The following BBS9 variants were observed in gnomAD, a reference collection of about 807,000 sequenced individuals.
BBS9 encodes the protein protein PTHB1.
Under a neutral mutation model 117.7 loss-of-function variants are expected in BBS9, and 89 were observed. The observed-to-expected ratio is 0.76, with a 90% CI of 0.64 to 0.90. BBS9 has a LOEUF of 0.90. Ranked by LOEUF, BBS9 falls within the 40% of genes least tolerant of loss-of-function variation. The pLI is 0.00. For synonymous variants in BBS9, 379 were observed against 370.9 expected (o/e 1.02, Z -0.25); for missense variants, 982 against 1,042.2 (o/e 0.94, Z 0.80).
intron 6 of BBS9, among the ~76,000 whole-genome samples, chr7:33,259,902 T>C (rs1030555449): frequency 9.9e-5 from 15 of 152,162 alleles, no homozygotes; most frequent in African/African-American, 2.9e-4. Flanking sequence ...TTTTTTTTTT[T>C]TCTCTCTAAA....
At chr7:33,219,159 C>T (rs1228513722) in intron 5 of BBS9, among the ~76,000 whole-genome samples, 4 of 152,212 alleles carry the variant, frequency 2.6e-5, no homozygotes, top group African/African-American at 7.2e-5. Flanking sequence ...CCCAGCAGTG[C>T]CAGACCACTG....
intron 19 of BBS9, among the ~76,000 whole-genome samples, chr7:33,431,312 A>G (rs2128877977): frequency 6.6e-6 from 1 of 152,106 alleles, no homozygotes; most frequent in East Asian, 1.9e-4. Context: ...ATTTTTGACT[A>G]GGGGAAGGCA....
intron 5 of BBS9, among the ~76,000 whole-genome samples, chr7:33,209,141 G>A (rs577573211): frequency 3.9e-5 from 6 of 151,918 alleles, no homozygotes; most frequent in East Asian, 1.9e-4. Flanking sequence ...CTTTATCTCC[G>A]TGAGTTTAAT....
chr7:33,538,113 A>T (rs1043193938), intron 21 of BBS9, among the ~76,000 whole-genome samples: 1 of 152,202 alleles, frequency 6.6e-6, no homozygotes, highest in East Asian at 1.9e-4. Flanking sequence ...TCAAGTGAAC[A>T]TTCTCTTAAT....
At chr7:33,184,850 C>T (rs1003550450) in intron 5 of BBS9, among the ~76,000 whole-genome samples, 44 of 152,312 alleles carry the variant, frequency 2.9e-4, no homozygotes, top group African/African-American at 9.1e-4. Flanking sequence ...AAAAGAATGG[C>T]TACTCCATTG....
At chr7:33,176,540 A>C (rs1467655545) in intron 4 of BBS9, among the ~76,000 whole-genome samples, 1 of 152,230 alleles carries the variant, frequency 6.6e-6, no homozygotes, top group Non-Finnish European at 1.5e-5. Context: ...ATATTCTTAC[A>C]ATCTCAGTGT....
intron 17 of BBS9, among the ~76,000 whole-genome samples, chr7:33,374,407 A>C (rs1823421881): frequency 6.6e-6 from 1 of 152,206 alleles, no homozygotes; most frequent in Non-Finnish European, 1.5e-5. Flanking sequence ...TGCCCACCTC[A>C]TGCCCCGAGA....
intron 1 of BBS9, among the ~76,000 whole-genome samples, chr7:33,133,749 C>G (rs1407886898): frequency 6.6e-6 from 1 of 152,124 alleles, no homozygotes; most frequent in African/African-American, 2.4e-5. Context: ...ATGAATAATG[C>G]TACTATAAAC....
At chr7:33,223,553 G>C (rs996202117) in intron 5 of BBS9, among the ~76,000 whole-genome samples, 2 of 152,114 alleles carry the variant, frequency 1.3e-5, no homozygotes, top group African/African-American at 4.8e-5. Context: ...TTTGGGGAGA[G>C]GGCCTTGAAA....
intron 19 of BBS9, among the ~76,000 whole-genome samples, chr7:33,454,385 T>A (rs971364298): frequency 2.0e-5 from 3 of 152,202 alleles, no homozygotes; most frequent in Admixed American, 6.5e-5. Context: ...AGTAGTGAGA[T>A]GTCTATGGCA....
chr7:33,219,813 C>G (rs532879902), intron 5 of BBS9, among the ~76,000 whole-genome samples: 2 of 152,262 alleles, frequency 1.3e-5, no homozygotes, highest in African/African-American at 4.8e-5. Context: ...CAGTGGCAAC[C>G]CGCTGGGGTC....
At chr7:33,219,940 G>A (rs1471409940) in intron 5 of BBS9, among the ~76,000 whole-genome samples, 1 of 152,200 alleles carries the variant, frequency 6.6e-6, no homozygotes, top group Non-Finnish European at 1.5e-5. Context: ...AAGTTCTGCA[G>A]CTTCACTCCT....
chr7:33,174,926 A>C (rs1402248471), intron 4 of BBS9, among the ~76,000 whole-genome samples: 4 of 152,362 alleles, frequency 2.6e-5, no homozygotes, highest in East Asian at 3.9e-4. Flanking sequence ...ACTACCATTT[A>C]GAATCCAGAA....
intron 19 of BBS9, among the ~76,000 whole-genome samples, chr7:33,397,542 C>T (rs1311216223): frequency 1.3e-5 from 2 of 152,054 alleles, no homozygotes; most frequent in Non-Finnish European, 2.9e-5. Flanking sequence ...GCACAGTTCA[C>T]AATAGCAAAA....
At chr7:33,158,133 A>G (rs1301087989) in intron 4 of BBS9, among the ~76,000 whole-genome samples, 1 of 152,106 alleles carries the variant, frequency 6.6e-6, no homozygotes, top group Non-Finnish European at 1.5e-5. Context: ...GTGGTTCTTT[A>G]CTTTTGACAG....
In BBS9 at chr7:33,318,979, A is replaced by G. The variant is rs376386334; in HGVS notation, c.1017-17462A>G. On this transcript the variant is annotated intron_variant, in intron 9 of 22. Transcript: ENST00000242067. ...GGAGTTTGAGACCAGCCTGGCCAAC[A>G]TGATGAAACCCCGTCTCTACTAAAA... 5.3e-5 allele frequency among the ~76,000 whole-genome samples: 8 copies of G among 152,268 alleles called. No individual in the cohort carries two copies. In the East Asian group the frequency reaches 7.7e-4, roughly 15 times the overall value.
At chr7:33,212,510 G>A (rs1788212730) in intron 5 of BBS9, among the ~76,000 whole-genome samples, 1 of 152,118 alleles carries the variant, frequency 6.6e-6, no homozygotes. Context: ...CAACACATCT[G>A]TTTTGAATTC....
At position 33,367,884 on chromosome 7, in the gene BBS9, T is replaced by C. The variant is rs1394910151; in HGVS notation, c.1789+22T>C. ...TCTCGTAAGTAAAACCATGTTATCA[T>C]TGCTTTTTAAATTTTTTTCTAAGGA... On this transcript the variant is annotated intron_variant, in intron 17 of 22. Coordinates refer to ENST00000242067, the MANE Select transcript of BBS9 (RefSeq NM_198428.3). 3.7e-6 allele frequency: 6 copies of C among 1,605,016 alleles called. No homozygotes were observed. In the East Asian group the frequency reaches 1.3e-4, roughly 36 times the overall value.
intron 9 of BBS9, chr7:33,277,035 G>T: frequency 4.1e-6 from 1 of 242,768 alleles, no homozygotes; most frequent in South Asian, 7.3e-5. Flanking sequence ...GCCCACCTGT[G>T]AAGATCTGTT....
Sources: allele counts gnomAD v4.1 joint callset (sites outside exome capture counted in the v4.1 genomes callset), GRCh38; gene constraint gnomAD v4.1.1; transcripts MANE v1.5; gene names NCBI Gene and HGNC (gene_info 2026-07-23, HGNC 2026-07-21).